The following ADH4 variants were observed in gnomAD, a reference collection of about 807,000 sequenced individuals.
The protein encoded by ADH4 is alcohol dehydrogenase 4 (class II), pi polypeptide.
A neutral mutation model predicts 35.2 loss-of-function variants in ADH4; 31 were observed. The observed-to-expected ratio is 0.88, with a 90% CI of 0.66 to 1.19. The LOEUF (loss-of-function observed/expected upper bound fraction) is 1.19, where lower values mean the gene tolerates loss of function less well. ADH4 is among the 50% of genes most tolerant of loss of function. The probability of loss-of-function intolerance (pLI) is 0.00; values close to 1 mark genes in which losing one functional copy is unlikely to be tolerated. For synonymous variants in ADH4, 171 were observed against 160.2 expected (o/e 1.07, Z -0.51); for missense variants, 476 against 458.3 (o/e 1.04, Z -0.35).
rs754712621 is a variant in ADH4, at chr4:99,131,489, A to C, written c.843+15T>G. On this transcript the variant is annotated intron_variant, in intron 6 of 8. Transcript: ENST00000265512. ...AATACATTGAAAATATGATCCAAGA[A>C]CAAAATATACATACCATGGTTTCAG... 1 of 1,605,004 alleles carries C rather than the reference A, an allele frequency of 6.2e-7. No individual in the cohort carries two copies. Among genetic ancestry groups the C allele is most frequent in the South Asian group, 1.1e-5 (1 of 89,862 alleles).
At chr4:99,135,674 A>C (rs1368359550) in intron 5 of ADH4, among the ~76,000 whole-genome samples, 1 of 152,218 alleles carries the variant, frequency 6.6e-6, no homozygotes, top group African/African-American at 2.4e-5. Flanking sequence ...GTAGGAAGTC[A>C]CTGTAGCCTA....
At position 99,139,077 on chromosome 4, in the gene ADH4, A is replaced by G. The variant is rs1012541428; in HGVS notation, c.334T>C (p.Leu112=). The change falls in exon 4 of 9, where the codon TTG becomes CTG. Residue 112 remains leucine, a synonymous_variant. Coordinates refer to ENST00000265512, the MANE Select transcript of ADH4 (RefSeq NM_000670.5). The stretch of plus-strand genomic sequence containing the variant: ...AGTGCTTACCTGATTTTCCCACACA[A>G]ATTTGTGAGTGGACTCAGACAAAAC... The part of the protein sequence containing the change: ...CKFCLSPLTN[L]CGKISNLKSP... 4 of 1,612,852 alleles carry G rather than the reference A, an allele frequency of 2.5e-6. No homozygotes were observed. Among genetic ancestry groups the G allele is most frequent in the African/African-American group, 1.3e-5 (1 of 74,876 alleles).
chr4:99,138,302 T>C (rs973089796), intron 4 of ADH4, among the ~76,000 whole-genome samples: 3 of 152,192 alleles, frequency 2.0e-5, no homozygotes, highest in Non-Finnish European at 4.4e-5. Context: ...TTGCTCCTCA[T>C]TTTATAGATG....
intron 4 of ADH4, among the ~76,000 whole-genome samples, chr4:99,138,441 G>T (rs1729513009): frequency 6.6e-6 from 1 of 152,106 alleles, no homozygotes; most frequent in Non-Finnish European, 1.5e-5. Flanking sequence ...AGATGATTAA[G>T]ATTTTAGACT....
In ADH4 at chr4:99,129,167, TA is replaced by T. The variant is rs951494456; in HGVS notation, c.844-1824del. ...TTTTAAAGTTATTTACTTAAAAAGA[TA>T]AAAAAAAGTAAGTAGGGGAGAGAAA... is the stretch of plus-strand genomic sequence containing the variant. On this transcript the variant is annotated intron_variant, in intron 6 of 8. Coordinates refer to ENST00000265512, the MANE Select transcript of ADH4 (RefSeq NM_000670.5). 1.4e-4 allele frequency among the ~76,000 whole-genome samples: 21 copies of T among 151,380 alleles called. No homozygotes were observed. In the East Asian group the frequency reaches 1.5e-3, roughly 11 times the overall value.
rs773199602 is a variant in ADH4, at chr4:99,131,706, A to G, written c.641T>C (p.Val214Ala). ...AGCTCCTGCTGCTTTACAACCCATTACAGCAGAAAGACCCACACCTCCTAG... is the reference window on the plus strand; with the variant it reads ...AGCTCCTGCTGCTTTACAACCCATTGCAGCAGAAAGACCCACACCTCCTAG... ...FGLGGVGLSA[V>A]MGCKAAGASR... Residue 214 changes from valine (V) to alanine (A), a missense_variant, in exon 6 of 9, where the codon GTA becomes GCA. By Grantham distance (64) the Val-to-Ala change is moderately conservative. Transcript: ENST00000265512. 1.2e-6 allele frequency: 2 copies of G among 1,614,060 alleles called. No homozygotes were observed. Among genetic ancestry groups the G allele is most frequent in the Admixed American group, 1.7e-5 (1 of 59,998 alleles).
intron 1 of ADH4, among the ~76,000 whole-genome samples, chr4:99,143,867 TCTACTATTAATATACTGTGAA>T (rs1323946224): frequency 6.6e-6 from 1 of 152,234 alleles, no homozygotes; most frequent in Admixed American, 6.5e-5. Flanking sequence ...ATATACTTTT[TCTACTATTAATATACTGTGAA>T]CATTTTCCCA....
chr4:99,131,859 A>G, intron 5 of ADH4, 95 bp from the exon 6 acceptor site: 1 of 1,332,960 alleles, frequency 7.5e-7, no homozygotes, highest in Non-Finnish European at 1.0e-6. Flanking sequence ...TGAACATATG[A>G]ATTAAAGACA....
intron 6 of ADH4, 42 bp downstream of exon 6, chr4:99,131,462 A>G: frequency 1.3e-6 from 2 of 1,590,822 alleles, no homozygotes; most frequent in Non-Finnish European, 1.7e-6. Flanking sequence ...TGACAGCCAA[A>G]GAATACATTG....
intron 8 of ADH4, among the ~76,000 whole-genome samples, chr4:99,126,235 T>C (rs906752332): frequency 3.9e-5 from 6 of 152,208 alleles, no homozygotes; most frequent in African/African-American, 1.4e-4. Context: ...AGGCACTCTG[T>C]GTCAAACTGC....
At position 99,131,759 on chromosome 4, in the gene ADH4, G is replaced by T; in HGVS notation, c.588C>A (p.Thr196=). 1 of 1,610,890 alleles carries T rather than the reference G, an allele frequency of 6.2e-7. No homozygotes were observed. The highest frequency in any genetic ancestry group is 1.1e-5 in the South Asian group (1 of 90,470). ...YGAAINNAKV[T]PGSTCAVFGL... ...CAAAGACAGCACAAGTCGAACCAGG[G>T]GTGACCTGCAAGCAGGAAAATTATA... is the stretch of plus-strand genomic sequence containing the variant. The change falls in exon 6 of 9, where the codon ACC becomes ACA. Residue 196 remains threonine (T), a synonymous_variant. Transcript: ENST00000265512.
chr4:99,140,560 A>C (rs906876094), intron 3 of ADH4, among the ~76,000 whole-genome samples: 19 of 144,666 alleles, frequency 1.3e-4, no homozygotes, highest in African/African-American at 4.4e-4. Flanking sequence ...GCACAGAGTG[A>C]GACTCTGTTT....
Position 99,136,579 on chromosome 4 carries a change from C to T in ADH4, c.469G>A (p.Val157Met). The change falls in exon 5 of 9, where the codon GTG becomes ATG. Residue 157 changes from valine (V) to methionine (M), a missense_variant. Val to Met is a conservative substitution (Grantham distance 21). Coordinates refer to ENST00000265512, the MANE Select transcript of ADH4 (RefSeq NM_000670.5). ...TTGGCAAGATTGATATCTGACACCACAGTGTACTGAGAGAATGTACTGGTT... is the reference window on the plus strand; with the variant it reads ...TTGGCAAGATTGATATCTGACACCATAGTGTACTGAGAGAATGTACTGGTT... ...FGTSTFSQYTVVSDINLAKID... is the reference protein window; with the variant it reads ...FGTSTFSQYTMVSDINLAKID... 6.2e-7 allele frequency: 1 copy of T among 1,614,034 alleles called. No individual in the cohort carries two copies. Among genetic ancestry groups the T allele is most frequent in the South Asian group, 1.1e-5 (1 of 91,076 alleles).
chr4:99,143,454 A>G, intron 1 of ADH4: 1 of 369,932 alleles, frequency 2.7e-6, no homozygotes, highest in Non-Finnish European at 4.9e-6. Flanking sequence ...CAGAAATTAA[A>G]TATTTAGGAT....
In ADH4 at chr4:99,124,465, C is replaced by T. The variant is rs1126673; in HGVS notation, c.1120G>A (p.Val374Ile). 0.71 allele frequency: 1,019,364 copies of T among 1,439,334 alleles called. 368,453 individuals are homozygous for T. The highest frequency in any genetic ancestry group is 1 in the East Asian group (42,323 of 42,396). The allele number at this position is 1,439,334 out of a possible 1,614,324, so 89.2% of individuals were successfully genotyped here. The change falls in exon 9 of 9, where the codon GTC (valine) becomes ATC (isoleucine). Residue 374 changes from valine to isoleucine, a missense_variant and splice_region_variant. Transcript: ENST00000265512. ...AFDLMNQGKSVRTILIF is the reference protein window; with the variant it reads ...AFDLMNQGKSIRTILIF ...CTTCAAAAGATGAGGATTGTTCGGA[C>T]GCTGTTAATAACAATAAAACATTAA...
chr4:99,138,201 G>A (rs1254747035), intron 4 of ADH4, among the ~76,000 whole-genome samples: 2 of 151,930 alleles, frequency 1.3e-5, no homozygotes, highest in Non-Finnish European at 2.9e-5. Flanking sequence ...AGAATTTATT[G>A]GTATTGCCTA....
At chr4:99,143,840 G>A (rs776548451) in intron 1 of ADH4, among the ~76,000 whole-genome samples, 2 of 152,082 alleles carry the variant, frequency 1.3e-5, no homozygotes, top group Non-Finnish European at 2.9e-5. Flanking sequence ...AAGATACATT[G>A]TCCATAGTAT....
At chr4:99,139,922 A>G (rs17218602) in intron 3 of ADH4, among the ~76,000 whole-genome samples, 31,980 of 152,124 alleles carry the variant, frequency 0.21, 4,036 homozygotes, top group Non-Finnish European at 0.28. Context: ...TGTTTGTACA[A>G]TCTTTTTTGG....
intron 3 of ADH4, among the ~76,000 whole-genome samples, chr4:99,140,050 G>A (rs1018795011): frequency 1.3e-5 from 2 of 152,152 alleles, no homozygotes; most frequent in Non-Finnish European, 2.9e-5. Context: ...CCAGTATCTG[G>A]AGGATCTGTT....
Sources: allele counts gnomAD v4.1 joint callset (sites outside exome capture counted in the v4.1 genomes callset), GRCh38; gene constraint gnomAD v4.1.1; transcripts MANE v1.5; gene names NCBI Gene and HGNC (gene_info 2026-07-23, HGNC 2026-07-21).